RPL22L1: variants seen among roughly 807,000 people sequenced by gnomAD.
RPL22L1 encodes ribosomal protein L22 like 1.
A neutral mutation model predicts 17.3 loss-of-function variants in RPL22L1; 19 were observed. That is an observed-to-expected ratio of 1.10 (90% CI 0.77 to 1.61). RPL22L1 has a LOEUF of 1.61. Among genes scored for constraint, RPL22L1 ranks in the 40% most tolerant of loss-of-function variants. The probability of loss-of-function intolerance (pLI) is 0.00; values close to 1 mark genes in which losing one functional copy is unlikely to be tolerated. For missense variants in RPL22L1, 139 were observed against 144.4 expected (o/e 0.96, Z 0.19); for synonymous variants, 48 against 48.5 (o/e 0.99, Z 0.05).
chr3:170,867,894 C>A (rs1711829873), intron 3 of RPL22L1, 119 bp downstream of exon 3: 2 of 804,846 alleles, frequency 2.5e-6, no homozygotes, highest in Admixed American at 6.1e-5. Flanking sequence ...TTTATGTAGG[C>A]CTTTAGTCTA....
At chr3:170,869,410 C>A (rs557344862) in intron 1 of RPL22L1, among the ~76,000 whole-genome samples, 1 of 152,314 alleles carries the variant, frequency 6.6e-6, no homozygotes, top group East Asian at 1.9e-4. Context: ...TTGGGAGACA[C>A]AAACAACTTC....
rs1180195197 is a variant in RPL22L1 at position 170,866,451 on chromosome 3, C to T, written c.298G>A (p.Asp100Asn). 1.3e-5 allele frequency: 21 copies of T among 1,596,152 alleles called. No individual in the cohort carries two copies. In the African/African-American group the frequency reaches 2.7e-4, roughly 20 times the overall value. Residue 100 changes from aspartate to asparagine, a missense_variant, in exon 4 of 4, where the codon GAC becomes AAC. By Grantham distance (23) the Asp-to-Asn change is conservative. Transcript: ENST00000295830. ...TAACGAAGTTCGTAGGTCTCCTTGT[C>T]AGATGCAACCACTCGAAGCCAATCA... ...LRDWLRVVAS[D>N]KETYELRYFQ...
rs1182423829 is a variant in RPL22L1 at position 170,870,141 on chromosome 3, A to G, written c.9+18T>C. ...TAAATTGCCACACAACACTCCCACC[A>G]AGACATCGCTCACTCACCGGCGCCA... On this transcript the variant is annotated intron_variant, in intron 1 of 3. Transcript: ENST00000295830. 6.2e-7 allele frequency: 1 copy of G among 1,613,684 alleles called. No homozygotes were observed. Among genetic ancestry groups the G allele is most frequent in the South Asian group, 1.1e-5 (1 of 91,056 alleles).
At chr3:170,869,046 G>A (rs1300375223) in intron 1 of RPL22L1, among the ~76,000 whole-genome samples, 2 of 151,024 alleles carry the variant, frequency 1.3e-5, no homozygotes, top group African/African-American at 4.9e-5. Flanking sequence ...GCTTGAACCC[G>A]GGAGGCGGAG....
chr3:170,867,545 G>A (rs2108280429), intron 3 of RPL22L1, among the ~76,000 whole-genome samples: 1 of 152,186 alleles, frequency 6.6e-6, no homozygotes, highest in South Asian at 2.1e-4. Context: ...TTGGTTCACT[G>A]TTGGGTTACC....
At chr3:170,868,637 G>C (rs1711862748) in intron 1 of RPL22L1, among the ~76,000 whole-genome samples, 1 of 151,890 alleles carries the variant, frequency 6.6e-6, no homozygotes, top group Admixed American at 6.6e-5. Flanking sequence ...TACTACCAAT[G>C]ATCAATTTTA....
At chr3:170,866,842 C>A (rs1385450796) in intron 3 of RPL22L1, among the ~76,000 whole-genome samples, 3 of 152,012 alleles carry the variant, frequency 2.0e-5, no homozygotes, top group Admixed American at 1.3e-4. Flanking sequence ...AACGTTAACA[C>A]CTCCTTCACC....
chr3:170,867,705 T>C (rs541062492), intron 3 of RPL22L1, among the ~76,000 whole-genome samples: 37 of 152,348 alleles, frequency 2.4e-4, no homozygotes, highest in Non-Finnish European at 4.0e-4. Context: ...ACATCAGACA[T>C]GTTTCTTGCA....
chr3:170,868,443 A>G (rs1340509992), intron 1 of RPL22L1, 53 bp from the exon 2 acceptor site: 1 of 1,112,786 alleles, frequency 9.0e-7, no homozygotes, highest in East Asian at 2.4e-5. Flanking sequence ...TATTCAATTT[A>G]TATAAACAAT....
chr3:170,869,456 G>A (rs972414934), intron 1 of RPL22L1, among the ~76,000 whole-genome samples: 1 of 152,168 alleles, frequency 6.6e-6, no homozygotes, highest in Non-Finnish European at 1.5e-5. Context: ...AGGGTTTATG[G>A]CCATGCTGGG....
At chr3:170,869,878 C>G (rs946293242) in intron 1 of RPL22L1, 2 of 598,500 alleles carry the variant, frequency 3.3e-6, no homozygotes, top group African/African-American at 1.8e-5. Flanking sequence ...ACCACCGGCC[C>G]ATTTACAGTT....
At chr3:170,869,088 C>G (rs1465332580) in intron 1 of RPL22L1, among the ~76,000 whole-genome samples, 2 of 150,318 alleles carry the variant, frequency 1.3e-5, no homozygotes, top group African/African-American at 2.4e-5. Flanking sequence ...CCACTATACT[C>G]CCACCTGGGC....
rs1356641211 is a variant in RPL22L1, at chr3:170,866,080, G to GAC, written c.*298_*299dup. ...TGAGTCACTGCACTCCAGCCTGGGT[G>GAC]ACAGAACGAGAGTGTCTAAAAAAAA... On this transcript the variant is annotated 3_prime_UTR_variant, in exon 4 of 4. Coordinates refer to ENST00000295830, the MANE Select transcript of RPL22L1 (RefSeq NM_001099645.2). The GAC allele has an allele frequency of 5.8e-6, 1 of 173,450 alleles. No individual in the cohort carries two copies. The highest frequency in any genetic ancestry group is 1.2e-5 in the Non-Finnish European group (1 of 81,776). The allele number at this position is 173,450 out of a possible 1,614,324, so 10.7% of individuals were successfully genotyped here.
Position 170,865,455 on chromosome 3 carries a change from G to T in RPL22L1, c.*925C>A, listed in dbSNP as rs1212727196. The T allele has an allele frequency of 1.3e-5, 2 of 152,114 alleles. No individual in the cohort carries two copies. The highest frequency in any genetic ancestry group is 2.9e-5 in the Non-Finnish European group (2 of 68,040). 9.4% of individuals were successfully genotyped at this position (152,114 alleles called of 1,614,324 possible). A position where few individuals can be genotyped will look rare whatever the true frequency, so the allele number is the denominator to read the frequency against. ...AAAGGCCAGTTTATTCGGGAGAAAG[G>T]GTCCATCCACTTGTAAGTTTCAATA... On this transcript the variant is annotated 3_prime_UTR_variant, in exon 4 of 4. Coordinates refer to ENST00000295830, the MANE Select transcript of RPL22L1 (RefSeq NM_001099645.2).
In RPL22L1 at chr3:170,865,089, T is replaced by TG. The variant is rs1360825981; in HGVS notation, c.*1290dup. ...TGAAAAACATGAAAAATGGGAACAATGGGGCAGAGCCAAGTTAGGAAGTTC... is the reference window on the plus strand; with the variant it reads ...TGAAAAACATGAAAAATGGGAACAATGGGGGCAGAGCCAAGTTAGGAAGTTC... On this transcript the variant is annotated 3_prime_UTR_variant, in exon 4 of 4. Coordinates refer to ENST00000295830, the MANE Select transcript of RPL22L1 (RefSeq NM_001099645.2). 6.6e-6 allele frequency: 1 copy of TG among 152,196 alleles called. No individual in the cohort carries two copies. The highest frequency in any genetic ancestry group is 2.4e-5 in the African/African-American group (1 of 41,450). 9.4% of individuals were successfully genotyped at this position (152,196 alleles called of 1,614,324 possible).
In RPL22L1 at chr3:170,866,163, G is replaced by T; in HGVS notation, c.*217C>A. The T allele has an allele frequency of 2.8e-6, 1 of 361,374 alleles. No individual in the cohort carries two copies. The highest frequency in any genetic ancestry group is 4.9e-6 in the Non-Finnish European group (1 of 204,114). The allele number at this position is 361,374 out of a possible 1,614,324, so 22.4% of individuals were successfully genotyped here. ...ACATAAAAGATTTTGGAAATCGTGG[G>T]AAAAAATTATACCAGCTATAAGCTA... On this transcript the variant is annotated 3_prime_UTR_variant, in exon 4 of 4. Transcript: ENST00000295830.
chr3:170,868,485 T>C, intron 1 of RPL22L1, 95 bp from the exon 2 acceptor site: 2 of 724,016 alleles, frequency 2.8e-6, no homozygotes, highest in Non-Finnish European at 4.7e-6. Context: ...ATCTGTACAA[T>C]GTACTGTTAG....
rs1408927074 is a variant in RPL22L1, at chr3:170,866,180, TA to T, written c.*199del. Reference sequence around the variant, plus strand: ...AATCGTGGGAAAAAATTATACCAGCTATAAGCTATTTAAATACTGTTGATAG... The same window carrying T: ...AATCGTGGGAAAAAATTATACCAGCTTAAGCTATTTAAATACTGTTGATAG... On this transcript the variant is annotated 3_prime_UTR_variant, in exon 4 of 4. Coordinates refer to ENST00000295830, the MANE Select transcript of RPL22L1 (RefSeq NM_001099645.2). The T allele has an allele frequency of 5.9e-5, 25 of 425,366 alleles. No individual in the cohort carries two copies. Among genetic ancestry groups the T allele is most frequent in the Admixed American group, 4.8e-4 (12 of 24,978 alleles). The allele number at this position is 425,366 out of a possible 1,614,324, so 26.3% of individuals were successfully genotyped here.
intron 1 of RPL22L1, 141 bp downstream of exon 1, chr3:170,870,018 G>T: frequency 5.7e-6 from 7 of 1,227,558 alleles, no homozygotes; most frequent in Admixed American, 1.9e-5. Context: ...CTCGCGTCTT[G>T]GTTGTGTTTC....
Sources: allele counts gnomAD v4.1 joint callset (sites outside exome capture counted in the v4.1 genomes callset), GRCh38; gene constraint gnomAD v4.1.1; transcripts MANE v1.5; gene names NCBI Gene and HGNC (gene_info 2026-07-23, HGNC 2026-07-21).